The following ZZEF1 variants were observed in gnomAD, a reference collection of about 807,000 sequenced individuals.
The protein encoded by ZZEF1 is zinc finger ZZ-type and EF-hand domain containing 1, also known as zinc finger ZZ-type and EF-hand domain-containing protein 1.
Under a neutral mutation model 342.8 loss-of-function variants are expected in ZZEF1, and 157 were observed. The observed-to-expected ratio is 0.46, with a 90% confidence interval of 0.40 to 0.52. The LOEUF (loss-of-function observed/expected upper bound fraction) is 0.52. Ranked by LOEUF, ZZEF1 falls within the 20% of genes least tolerant of loss-of-function variation. The probability of loss-of-function intolerance (pLI) is 0.00; values close to 1 mark genes in which losing one functional copy is unlikely to be tolerated. For synonymous variants in ZZEF1, 1,505 were observed against 1,429.1 expected, an observed-to-expected ratio of 1.05 and a Z score of -1.20; for missense variants, 3,480 against 3,725.6, an observed-to-expected ratio of 0.93 and a Z score of 1.72.
intron 32 of ZZEF1, 63 bp from the exon 33 acceptor site, chr17:4,056,408 T>G: frequency 6.7e-7 from 1 of 1,493,078 alleles, no homozygotes; most frequent in Non-Finnish European, 8.9e-7. Flanking sequence ...AAGTACTGGT[T>G]AGCAGACCCT....
intron 2 of ZZEF1, among the ~76,000 whole-genome samples, chr17:4,122,819 GACA>G (rs967198570): frequency 3.5e-4 from 53 of 152,090 alleles, no homozygotes; most frequent in African/African-American, 1.3e-3. Flanking sequence ...GATACTGTGA[GACA>G]GAAAGAGAAA....
Position 4,102,256 on chromosome 17 carries a change from C to T in ZZEF1, c.1672+61G>A, listed in dbSNP as rs1567843051. On this transcript the variant is annotated intron_variant, in intron 9 of 54. Coordinates refer to ENST00000381638, the MANE Select transcript of ZZEF1 (RefSeq NM_015113.4). ...CAAACATTTCAAAGTCTGGAGTGTGCTTTCACACAGCTGACTCCTGTCTAC... is the reference window on the plus strand; with the variant it reads ...CAAACATTTCAAAGTCTGGAGTGTGTTTTCACACAGCTGACTCCTGTCTAC... The T allele has an allele frequency of 3.4e-6, 5 of 1,460,632 alleles. No homozygotes were observed. The African/African-American group carries it at 5.6e-5, about 16-fold the overall frequency. The allele number at this position is 1,460,632 out of a possible 1,614,324, so 90.5% of individuals were successfully genotyped here.
intron 30 of ZZEF1, among the ~76,000 whole-genome samples, chr17:4,061,375 G>A (rs117012093): frequency 0.018 from 2,746 of 151,962 alleles, 33 homozygotes; most frequent in Non-Finnish European, 0.028. Context: ...TTGACTTCTA[G>A]GTAAAGAAGT....
intron 1 of ZZEF1, among the ~76,000 whole-genome samples, chr17:4,131,492 A>AT (rs1242169494): frequency 1.3e-5 from 2 of 151,542 alleles, no homozygotes; most frequent in Non-Finnish European, 2.9e-5. Context: ...TATAAGAAAA[A>AT]AAAAGGCCAG....
chr17:4,018,043 T>C (rs1229780841), intron 46 of ZZEF1, 72 bp from the exon 47 acceptor site: 2 of 1,575,808 alleles, frequency 1.3e-6, no homozygotes, highest in Non-Finnish European at 1.7e-6. Context: ...CTTAAACTTG[T>C]TGGCAATGTT....
Position 4,142,632 on chromosome 17 carries a change from C to T in ZZEF1, c.264G>A (p.Leu88=). 6.2e-7 allele frequency: 1 copy of T among 1,606,726 alleles called. No homozygotes were observed. Residue 88 remains leucine, a synonymous_variant, in exon 1 of 55, where the codon CTG becomes CTA. Coordinates refer to ENST00000381638, the MANE Select transcript of ZZEF1 (RefSeq NM_015113.4). ...GAGTGACAGACTCTTCGCCGCGGCC[C>T]AGCCGCTCTTCCAGCCAGCGAAACA... ...GALFRWLEER[L]GRGEESVTLE...
At position 4,085,688 on chromosome 17, in the gene ZZEF1, G is replaced by T; in HGVS notation, c.2628C>A (p.Asn876Lys). ...TAATTACCATCATGGTGAAGAGATGGTTCCGTCGGGTCTGTCGATTAGGAA... is the reference window on the plus strand; with the variant it reads ...TAATTACCATCATGGTGAAGAGATGTTTCCGTCGGGTCTGTCGATTAGGAA... The part of the protein sequence containing the change: ...IFFPNRQTRR[N>K]HLFTMMNVTE... The change falls in exon 16 of 55, where the codon AAC (asparagine) becomes AAA (lysine). Residue 876 changes from asparagine to lysine, a missense_variant. Physicochemically the swap from Asn to Lys is moderately conservative, Grantham distance 94 (BLOSUM62 0). Around this residue, in one of 5 missense-constraint regions of ZZEF1, gnomAD observed 1,528 missense variants for 1,624.1 expected, o/e 0.94. Transcript: ENST00000381638. The T allele has an allele frequency of 1.2e-6, 2 of 1,614,130 alleles. No individual in the cohort carries two copies. Among genetic ancestry groups the T allele is most frequent in the South Asian group, 2.2e-5 (2 of 91,066 alleles).
chr17:4,139,249 A>G (rs112524671), intron 1 of ZZEF1, among the ~76,000 whole-genome samples: 323 of 141,794 alleles, frequency 2.3e-3, no homozygotes, highest in East Asian at 3.0e-3. Flanking sequence ...ACCTCCTCAA[A>G]TAACTGAGGT....
In ZZEF1 at chr17:4,072,736, C is replaced by T. The variant is rs1462664507; in HGVS notation, c.3706G>A (p.Val1236Ile). 1.9e-6 allele frequency: 3 copies of T among 1,613,014 alleles called. No individual in the cohort carries two copies. ...ACTAATGCCATTTTTGCCTGAGGTA[C>T]TACCATGTTACTTCCTAACTCTAGA... ...SVRQLGSNMV[V>I]PQAKMALVLS... is the part of the protein sequence containing the mutation. The change falls in exon 25 of 55, where the codon GTA becomes ATA. Residue 1236 changes from valine (V) to isoleucine (I), a missense_variant. Transcript: ENST00000381638.
At chr17:4,105,905 T>A in intron 6 of ZZEF1, 96 bp from the exon 7 acceptor site, 1 of 934,874 alleles carries the variant, frequency 1.1e-6, no homozygotes, top group Non-Finnish European at 1.6e-6. Context: ...TAATCCCTTA[T>A]AAACAGACAG....
At chr17:4,112,875 T>A in intron 4 of ZZEF1, 67 bp from the exon 5 acceptor site, 1 of 1,367,678 alleles carries the variant, frequency 7.3e-7, no homozygotes. Flanking sequence ...GATCCAGAAG[T>A]CCCACCTCAA....
intron 1 of ZZEF1, among the ~76,000 whole-genome samples, chr17:4,141,795 T>G (rs1001214197): frequency 1.3e-5 from 2 of 151,998 alleles, no homozygotes. Flanking sequence ...TGGATCAGTC[T>G]TCTTAACTCG....
At chr17:4,069,149 G>C (rs1401524267) in intron 26 of ZZEF1, among the ~76,000 whole-genome samples, 3 of 152,196 alleles carry the variant, frequency 2.0e-5, no homozygotes, top group Non-Finnish European at 4.4e-5. Flanking sequence ...AACACAGCCT[G>C]AAGTTTCCCA....
Position 4,086,576 on chromosome 17 carries a change from C to T in ZZEF1, c.2422G>A (p.Val808Ile), listed in dbSNP as rs779257711. 2 of 1,614,192 alleles carry T rather than the reference C, an allele frequency of 1.2e-6. No homozygotes were observed. Among genetic ancestry groups the T allele is most frequent in the Admixed American group, 1.7e-5 (1 of 60,030 alleles). The part of the protein sequence containing the change: ...QSCFSVLQGD[V>I]LAASEEEKAP... ...TTTTCCTCCTCAGAAGCAGCCAGTA[C>T]ATCTCCCTGCAGCACAGAGAAGCAG... The change falls in exon 15 of 55, where the codon GTA becomes ATA. Residue 808 changes from valine to isoleucine, a missense_variant. Physicochemically the swap from Val to Ile is conservative, Grantham distance 29 (BLOSUM62 3). This residue lies in a region of ZZEF1 where 1,528 missense variants were observed against 1,624.1 expected (regional missense o/e 0.94). Transcript: ENST00000381638.
chr17:4,064,048 A>T (rs1220747683), intron 29 of ZZEF1, among the ~76,000 whole-genome samples: 1 of 147,506 alleles, frequency 6.8e-6, no homozygotes, highest in African/African-American at 2.6e-5. Flanking sequence ...TTTAAAAAAA[A>T]TTTTTTGTAG....
intron 36 of ZZEF1, among the ~76,000 whole-genome samples, chr17:4,050,520 T>C (rs1194912588): frequency 2.6e-5 from 4 of 152,344 alleles, no homozygotes; most frequent in African/African-American, 7.2e-5. Flanking sequence ...TCCACAGATA[T>C]AAAGAGTTTT....
chr17:4,105,782 G>A lies in ZZEF1; in HGVS notation c.1305C>T (p.Leu435=). The part of the protein sequence containing the change: ...TQKALRHMPP[L]SLSPGSTDFS... ...AATCTGTAGATCCTGGTGAGAGAGA[G>A]AGTGGAGGCATGTGCCGCAGCGCCT... Residue 435 remains leucine (L), a synonymous_variant, in exon 7 of 55, where the codon CTC becomes CTT. Coordinates refer to ENST00000381638, the MANE Select transcript of ZZEF1 (RefSeq NM_015113.4). 2 of 1,612,916 alleles carry A rather than the reference G, an allele frequency of 1.2e-6. No homozygotes were observed. The highest frequency in any genetic ancestry group is 1.1e-5 in the South Asian group (1 of 90,844).
In ZZEF1 at chr17:4,022,324, T is replaced by A. The variant is rs575911380; in HGVS notation, c.7212+385A>T. The A allele has an allele frequency of 9.4e-4, 169 of 180,330 alleles. 2 individuals carry two copies. Among genetic ancestry groups the A allele is most frequent in the African/African-American group, 3.8e-3 (159 of 42,356 alleles). The allele number at this position is 180,330 out of a possible 1,614,324, so 11.2% of individuals were successfully genotyped here. A position where few individuals can be genotyped will look rare whatever the true frequency, so the allele number is the denominator to read the frequency against. ...TCTACGGGGAACAGTAATAAAATTA[T>A]AATGATCAACTAAAATCCTACGTAC... On this transcript the variant is annotated intron_variant, in intron 44 of 54. Coordinates refer to ENST00000381638, the MANE Select transcript of ZZEF1 (RefSeq NM_015113.4).
chr17:4,073,145 A>G (rs8068947), intron 24 of ZZEF1, among the ~76,000 whole-genome samples: 23,604 of 152,212 alleles, frequency 0.16, 2,020 homozygotes, highest in African/African-American at 0.22. Flanking sequence ...TCCAGCATAG[A>G]TGTGTTTAGA....
Sources: gnomAD v4.1 joint callset for allele counts (sites outside exome capture counted in the v4.1 genomes callset) on GRCh38, gnomAD v4.1.1 for gene constraint, gnomAD v4.1.1 regional missense constraint, MANE v1.5 for transcripts, NCBI Gene and HGNC (gene_info 2026-07-23, HGNC 2026-07-21) for gene names.